The following PRKCA variants were observed in gnomAD, a reference collection of about 807,000 sequenced individuals.
PRKCA encodes protein kinase C alpha.
Under a neutral mutation model 87.0 loss-of-function variants are expected in PRKCA, and 27 were observed. The ratio of observed to expected loss-of-function variants is 0.31; its 90% CI spans 0.23 to 0.43. PRKCA has a LOEUF of 0.43. Among genes scored for constraint, PRKCA ranks in the 20% least tolerant of loss-of-function variants. The probability of loss-of-function intolerance (pLI) is 1.00; values close to 1 mark genes in which losing one functional copy is unlikely to be tolerated. For missense variants in PRKCA, 518 were observed against 852.3 expected (o/e 0.61, Z 4.88); for synonymous variants, 329 against 311.1 (o/e 1.06, Z -0.61).
chr17:66,756,680 G>A (rs1974555320), intron 13 of PRKCA, among the ~76,000 whole-genome samples: 1 of 151,780 alleles, frequency 6.6e-6, no homozygotes, highest in Non-Finnish European at 1.5e-5. Context: ...TTTTGTTTTG[G>A]AGATGGAGTC....
chr17:66,335,637 G>T (rs967159407), intron 2 of PRKCA, among the ~76,000 whole-genome samples: 8 of 151,132 alleles, frequency 5.3e-5, no homozygotes, highest in Non-Finnish European at 7.4e-5. Flanking sequence ...ATATTAAATT[G>T]TATGTTATTG....
chr17:66,559,882 C>T (rs948873599), intron 3 of PRKCA, among the ~76,000 whole-genome samples: 2 of 152,178 alleles, frequency 1.3e-5, no homozygotes, highest in African/African-American at 4.8e-5. Context: ...GAGTTCTGGC[C>T]GCTGGGGCAG....
chr17:66,371,970 G>A (rs1420906231), intron 2 of PRKCA, among the ~76,000 whole-genome samples: 2 of 152,242 alleles, frequency 1.3e-5, no homozygotes, highest in Admixed American at 1.3e-4. Flanking sequence ...GTAGAAAAGT[G>A]AGACGCTGTA....
chr17:66,592,922 A>G (rs1273697313), intron 3 of PRKCA, among the ~76,000 whole-genome samples: 1 of 152,116 alleles, frequency 6.6e-6, no homozygotes, highest in Non-Finnish European at 1.5e-5. Flanking sequence ...CCTCCCGAGT[A>G]GCTGGGATTA....
At chr17:66,765,432 A>ATCTATATATC (rs1568020958) in intron 13 of PRKCA, among the ~76,000 whole-genome samples, 9 of 131,188 alleles carry the variant, frequency 6.9e-5, no homozygotes, top group African/African-American at 2.0e-4. Context: ...ATATATATAT[A>ATCTATATATC]TATATATATA....
chr17:66,449,726 G>T (rs1567835048), intron 2 of PRKCA, among the ~76,000 whole-genome samples: 1 of 152,200 alleles, frequency 6.6e-6, no homozygotes, highest in Non-Finnish European at 1.5e-5. Flanking sequence ...CAGGGCTGAG[G>T]TTGTTGCTGT....
At chr17:66,437,095 A>G (rs1271696431) in intron 2 of PRKCA, among the ~76,000 whole-genome samples, 1 of 152,224 alleles carries the variant, frequency 6.6e-6, no homozygotes, top group African/African-American at 2.4e-5. Flanking sequence ...TAAAAGCTAT[A>G]CAAAGAGAAC....
intron 13 of PRKCA, among the ~76,000 whole-genome samples, chr17:66,747,042 C>A (rs944463178): frequency 6.6e-6 from 1 of 152,032 alleles, no homozygotes; most frequent in African/African-American, 2.4e-5. Flanking sequence ...CAAAGCTTTT[C>A]ATTTTATTTA....
intron 2 of PRKCA, among the ~76,000 whole-genome samples, chr17:66,355,216 G>A (rs1182118524): frequency 6.6e-6 from 1 of 152,030 alleles, no homozygotes; most frequent in African/African-American, 2.4e-5. Flanking sequence ...TTAAAACTGA[G>A]ATCATTCTCA....
chr17:66,606,294 A>T (rs1445885053), intron 3 of PRKCA, among the ~76,000 whole-genome samples: 1 of 152,214 alleles, frequency 6.6e-6, no homozygotes, highest in East Asian at 1.9e-4. Flanking sequence ...AGGCTGAGGC[A>T]GGAGAATCGC....
At chr17:66,692,764 C>T (rs550564059) in intron 8 of PRKCA, among the ~76,000 whole-genome samples, 182 of 152,260 alleles carry the variant, frequency 1.2e-3, no homozygotes, top group African/African-American at 4.0e-3. Context: ...GTCTTTTCTT[C>T]CCTACCCACT....
chr17:66,684,506 G>A (rs1972574697), intron 5 of PRKCA, among the ~76,000 whole-genome samples: 1 of 152,158 alleles, frequency 6.6e-6, no homozygotes, highest in African/African-American at 2.4e-5. Flanking sequence ...TCTCTGCTGT[G>A]ATAAGAAATT....
intron 2 of PRKCA, among the ~76,000 whole-genome samples, chr17:66,459,804 C>T (rs1054841410): frequency 2.6e-5 from 4 of 152,202 alleles, no homozygotes; most frequent in Non-Finnish European, 5.9e-5. Context: ...TCACTCTCTA[C>T]TGCTTTCTGA....
At chr17:66,338,828 A>T (rs181361145) in intron 2 of PRKCA, among the ~76,000 whole-genome samples, 1 of 152,318 alleles carries the variant, frequency 6.6e-6, no homozygotes, top group Non-Finnish European at 1.5e-5. Flanking sequence ...ACACTGACCA[A>T]ATCTGTTTAT....
chr17:66,550,709 G>A (rs929137253), intron 3 of PRKCA, among the ~76,000 whole-genome samples: 10 of 152,060 alleles, frequency 6.6e-5, no homozygotes, highest in South Asian at 2.1e-4. Context: ...TCTCCAGTGC[G>A]GGCAAAGGAA....
In PRKCA at chr17:66,473,639, C is replaced by T. The variant is rs554111566; in HGVS notation, c.206-22562C>T. On this transcript the variant is annotated intron_variant, in intron 2 of 16. Coordinates refer to ENST00000413366, the MANE Select transcript of PRKCA (RefSeq NM_002737.3). ...TACTATTAAGGAGTATAGTGTCTAG[C>T]AGCTAGTGTTTTGGTAGAAACTCAA... Among the ~76,000 whole-genome samples, 9 of 152,272 alleles carry T rather than the reference C, an allele frequency of 5.9e-5. No homozygotes were observed. In the East Asian group the frequency reaches 1.7e-3, roughly 29 times the overall value.
chr17:66,459,276 G>A (rs1426421823), intron 2 of PRKCA, among the ~76,000 whole-genome samples: 1 of 151,958 alleles, frequency 6.6e-6, no homozygotes, highest in African/African-American at 2.4e-5. Flanking sequence ...AGCTACTCAG[G>A]AGGCTGAGGC....
At chr17:66,629,870 A>G (rs1038658594) in intron 3 of PRKCA, among the ~76,000 whole-genome samples, 5 of 152,172 alleles carry the variant, frequency 3.3e-5, no homozygotes, top group Admixed American at 6.5e-5. Flanking sequence ...CTCCTATACA[A>G]TAAGCACATG....
chr17:66,806,445 T>C lies in PRKCA; in HGVS notation c.*2408T>C, dbSNP rs552987386. On this transcript the variant is annotated 3_prime_UTR_variant, in exon 17 of 17. Transcript: ENST00000413366. ...CTGTCCCTGCAGCCCTGCAGGTCAG[T>C]GCATGATCTGGGTTCGTGTCCTGAC... is the stretch of plus-strand genomic sequence containing the variant. 2.6e-5 allele frequency: 4 copies of C among 152,330 alleles called. No homozygotes were observed. In the East Asian group the frequency reaches 7.8e-4, roughly 30 times the overall value. The allele number at this position is 152,330 out of a possible 1,614,324, so 9.4% of individuals were successfully genotyped here.
Sources: allele counts gnomAD v4.1 joint callset (sites outside exome capture counted in the v4.1 genomes callset), GRCh38; gene constraint gnomAD v4.1.1; transcripts MANE v1.5; gene names NCBI Gene and HGNC (gene_info 2026-07-23, HGNC 2026-07-21).